The following NGF variants were observed in gnomAD, a reference collection of about 807,000 sequenced individuals.
NGF encodes beta-nerve growth factor.
NGF carries 4 observed loss-of-function variants against 12.8 expected under a neutral mutation model. That is an observed-to-expected ratio of 0.31 (90% CI 0.15 to 0.72). The LOEUF (loss-of-function observed/expected upper bound fraction) is 0.72. Among genes scored for constraint, NGF ranks in the 30% least tolerant of loss-of-function variants. NGF has a pLI of 0.69. For missense variants in NGF, 283 were observed against 330.8 expected, an observed-to-expected ratio of 0.86 and a Z score of 1.12; for synonymous variants, 140 against 130.0, an observed-to-expected ratio of 1.08 and a Z score of -0.52.
intron 1 of NGF, among the ~76,000 whole-genome samples, chr1:115,333,780 C>T (rs1436202586): frequency 8.5e-6 from 1 of 117,686 alleles, no homozygotes; most frequent in African/African-American, 4.2e-5. Flanking sequence ...TTTCTTCATT[C>T]CTTCCTTTCT....
intron 2 of NGF, among the ~76,000 whole-genome samples, chr1:115,289,541 T>C (rs1653619418): frequency 6.6e-6 from 1 of 152,196 alleles, no homozygotes; most frequent in Non-Finnish European, 1.5e-5. Flanking sequence ...TGAAGCTAGT[T>C]CTGCCCTCCT....
rs190684042 is a variant in NGF at position 115,313,804 on chromosome 1, G to C, written c.-136-20054C>G. On this transcript the variant is annotated intron_variant, in intron 1 of 2. Coordinates refer to ENST00000369512, the MANE Select transcript of NGF (RefSeq NM_002506.3). ...TATTTCTATTTAAACATTTGAGCCT[G>C]AGGAAACAGTTGAGGGCAGAGCTAA... is the stretch of plus-strand genomic sequence containing the variant. Among the ~76,000 whole-genome samples the C allele has an allele frequency of 1.7e-4, 26 of 152,322 alleles. 1 individual carries two copies. The East Asian group carries it at 5.0e-3, about 29-fold the overall frequency.
intron 2 of NGF, among the ~76,000 whole-genome samples, chr1:115,290,812 C>T (rs989536729): frequency 1.3e-5 from 2 of 151,950 alleles, no homozygotes; most frequent in African/African-American, 4.8e-5. Flanking sequence ...TCTTTGTTGC[C>T]CCCAGGTGAC....
At chr1:115,336,919 G>C (rs550885178) in intron 1 of NGF, among the ~76,000 whole-genome samples, 4 of 152,316 alleles carry the variant, frequency 2.6e-5, no homozygotes, top group Non-Finnish European at 5.9e-5. Flanking sequence ...CCAGAGGATG[G>C]AGCCAGAACA....
chr1:115,286,889 C>A (rs529695218), intron 2 of NGF, 82 bp from the exon 3 acceptor site: 2 of 1,535,488 alleles, frequency 1.3e-6, no homozygotes, highest in Admixed American at 3.3e-5. Flanking sequence ...TCAGAGTTGA[C>A]CTCCCAAGGG....
chr1:115,315,809 C>T (rs778868788), intron 1 of NGF, among the ~76,000 whole-genome samples: 20 of 152,078 alleles, frequency 1.3e-4, no homozygotes, highest in African/African-American at 4.3e-4. Context: ...TTACGTGATT[C>T]GACTTCTGAC....
At position 115,286,359 on chromosome 1, in the gene NGF, T is replaced by C. The variant is rs752622800; in HGVS notation, c.437A>G (p.Lys146Arg). 6.2e-7 allele frequency: 1 copy of C among 1,613,986 alleles called. No homozygotes were observed. Among genetic ancestry groups the C allele is most frequent in the Non-Finnish European group, 8.5e-7 (1 of 1,179,996 alleles). ...CDSVSVWVGD[K>R]TTATDIKGKE... ...GCCCTTGATGTCTGTGGCGGTGGTC[T>C]TATCCCCAACCCACACGCTGACACT... is the stretch of plus-strand genomic sequence containing the variant. The change falls in exon 3 of 3, where the codon AAG (lysine) becomes AGG (arginine). Residue 146 changes from lysine (K) to arginine (R), a missense_variant. This residue lies in a region of NGF where 132 missense variants were observed against 189.2 expected (regional missense o/e 0.70). Coordinates refer to ENST00000369512, the MANE Select transcript of NGF (RefSeq NM_002506.3).
At chr1:115,309,447 T>C (rs1364611769) in intron 1 of NGF, among the ~76,000 whole-genome samples, 1 of 152,254 alleles carries the variant, frequency 6.6e-6, no homozygotes, top group East Asian at 1.9e-4. Context: ...ATTATTATAC[T>C]TTAAGTTCTG....
intron 1 of NGF, among the ~76,000 whole-genome samples, chr1:115,328,272 G>A (rs897661521): frequency 1.1e-4 from 17 of 152,162 alleles, no homozygotes; most frequent in African/African-American, 4.1e-4. Flanking sequence ...TCACTGATCT[G>A]TCCTCAGAGG....
At chr1:115,332,022 G>A (rs1654935106) in intron 1 of NGF, among the ~76,000 whole-genome samples, 2 of 152,192 alleles carry the variant, frequency 1.3e-5, no homozygotes, top group Non-Finnish European at 2.9e-5. Context: ...CTTGGTCTGG[G>A]AGAGCAGAAA....
chr1:115,323,870 C>T (rs1298012417), intron 1 of NGF, among the ~76,000 whole-genome samples: 1 of 152,128 alleles, frequency 6.6e-6, no homozygotes, highest in Non-Finnish European at 1.5e-5. Flanking sequence ...GGGCACAGAC[C>T]CTGACCATAC....
chr1:115,315,274 ACACAATGGGGAC>A (rs2101043594), intron 1 of NGF, among the ~76,000 whole-genome samples: 1 of 152,336 alleles, frequency 6.6e-6, no homozygotes, highest in Non-Finnish European at 1.5e-5. Flanking sequence ...GGCTGAGCAC[ACACAATGGGGAC>A]CAAGAAGAGA....
chr1:115,298,618 C>T (rs1204185643), intron 1 of NGF, among the ~76,000 whole-genome samples: 1 of 151,748 alleles, frequency 6.6e-6, no homozygotes, highest in Non-Finnish European at 1.5e-5. Flanking sequence ...GTGCAAGCTG[C>T]TCTTGGGACT....
intron 1 of NGF, among the ~76,000 whole-genome samples, chr1:115,320,377 G>A (rs1280017233): frequency 2.0e-5 from 3 of 152,154 alleles, no homozygotes; most frequent in African/African-American, 7.2e-5. Flanking sequence ...GAAAATGCCA[G>A]CATCCCTACT....
rs968846429 is a variant in NGF at position 115,286,554 on chromosome 1, C to T, written c.242G>A (p.Arg81Gln). The T allele has an allele frequency of 1.8e-5, 29 of 1,614,068 alleles. No homozygotes were observed. Among genetic ancestry groups the T allele is most frequent in the African/African-American group, 6.7e-5 (5 of 74,936 alleles). ...TVDPRLFKKR[R>Q]LRSPRVLFST... The stretch of plus-strand genomic sequence containing the variant: ...AAACAGCACACGGGGTGAACGGAGT[C>T]GCCGCTTTTTAAACAGCCTGGGGTC... Residue 81 changes from arginine to glutamine, a missense_variant, in exon 3 of 3, where the codon CGA (arginine) becomes CAA (glutamine). Physicochemically the swap from Arg to Gln is conservative, Grantham distance 43. This residue lies in a region of NGF where 151 missense variants were observed against 141.6 expected (regional missense o/e 1.07). Coordinates refer to ENST00000369512, the MANE Select transcript of NGF (RefSeq NM_002506.3).
intron 1 of NGF, among the ~76,000 whole-genome samples, chr1:115,321,418 C>CT (rs561720553): frequency 1.9e-4 from 29 of 152,172 alleles, no homozygotes; most frequent in East Asian, 5.8e-4. Flanking sequence ...TTTTTTCCTT[C>CT]TTTTTTTGCA....
At chr1:115,317,144 G>C (rs573140193) in intron 1 of NGF, among the ~76,000 whole-genome samples, 1 of 152,156 alleles carries the variant, frequency 6.6e-6, no homozygotes, top group South Asian at 2.1e-4. Context: ...GCATGGTGGA[G>C]AGGGGATGGA....
intron 1 of NGF, among the ~76,000 whole-genome samples, chr1:115,330,287 A>G (rs1244208650): frequency 2.6e-5 from 4 of 152,228 alleles, no homozygotes; most frequent in African/African-American, 9.6e-5. Flanking sequence ...CCAGGAAACC[A>G]TCCAGAATAT....
chr1:115,292,515 G>A (rs560116635), intron 2 of NGF, among the ~76,000 whole-genome samples: 1 of 152,284 alleles, frequency 6.6e-6, no homozygotes, highest in African/African-American at 2.4e-5. Context: ...TGAGAGCCAC[G>A]AGTCTAGCCT....
Sources: allele counts gnomAD v4.1 joint callset (sites outside exome capture counted in the v4.1 genomes callset), GRCh38; gene constraint gnomAD v4.1.1; regional missense constraint gnomAD v4.1.1; transcripts MANE v1.5; gene names NCBI Gene and HGNC (gene_info 2026-07-23, HGNC 2026-07-21).